Variants in WWOX observed in about 807,000 individuals in gnomAD.
WWOX encodes WW domain containing oxidoreductase.
Under a neutral mutation model 46.2 loss-of-function variants are expected in WWOX, and 69 were observed. That is an observed-to-expected ratio of 1.49 (90% CI 1.23 to 1.82). The LOEUF is 1.82. WWOX is among the 40% of genes most tolerant of loss of function. WWOX has a pLI of 0.00. For synonymous variants in WWOX, 359 were observed against 202.6 expected (o/e 1.77, Z -6.56); for missense variants, 919 against 542.6 (o/e 1.69, Z -6.89).
chr16:79,198,637 G>A (rs2051287874), intron 8 of WWOX, among the ~76,000 whole-genome samples: 1 of 152,180 alleles, frequency 6.6e-6, no homozygotes, highest in Non-Finnish European at 1.5e-5. Context: ...AGTAGCAGTG[G>A]GGTCAAGGGC....
chr16:78,766,121 G>A (rs535830830), intron 8 of WWOX, among the ~76,000 whole-genome samples: 53 of 152,312 alleles, frequency 3.5e-4, no homozygotes, highest in African/African-American at 1.2e-3. Flanking sequence ...CACACATACC[G>A]TCCCCTGATA....
rs1261771044 is a variant in WWOX at position 79,155,382 on chromosome 16, A to T, written c.1057-56226A>T. On this transcript the variant is annotated intron_variant, in intron 8 of 8. Coordinates refer to ENST00000566780, the MANE Select transcript of WWOX (RefSeq NM_016373.4). The stretch of plus-strand genomic sequence containing the variant: ...AGAGGGAGACTCTGTTTCAACAACA[A>T]CAACAAAAAAGGTGGGGGGGTGGGC... 2.0e-5 allele frequency among the ~76,000 whole-genome samples: 3 copies of T among 151,426 alleles called. No individual in the cohort carries two copies. In the East Asian group the frequency reaches 5.9e-4, roughly 30 times the overall value.
chr16:78,754,098 A>G (rs1358159568), intron 8 of WWOX, among the ~76,000 whole-genome samples: 1 of 151,738 alleles, frequency 6.6e-6, no homozygotes, highest in Non-Finnish European at 1.5e-5. Flanking sequence ...GTATTATTAG[A>G]TTGTGATTAT....
intron 8 of WWOX, among the ~76,000 whole-genome samples, chr16:78,610,651 AC>A (rs2045879710): frequency 6.6e-6 from 1 of 152,072 alleles, no homozygotes; most frequent in Admixed American, 6.6e-5. Flanking sequence ...CCTAAAGTGA[AC>A]CCAGATATGT....
intron 8 of WWOX, among the ~76,000 whole-genome samples, chr16:79,173,834 T>C (rs1267474940): frequency 6.6e-6 from 1 of 151,998 alleles, no homozygotes; most frequent in African/African-American, 2.4e-5. Context: ...AGATACTCTC[T>C]GACTAGAACT....
chr16:79,034,426 G>T (rs1300028539), intron 8 of WWOX, among the ~76,000 whole-genome samples: 1 of 152,202 alleles, frequency 6.6e-6, no homozygotes, highest in Non-Finnish European at 1.5e-5. Flanking sequence ...TGTATACACT[G>T]CCTGGGCCTT....
intron 8 of WWOX, among the ~76,000 whole-genome samples, chr16:78,869,926 T>G (rs1178797329): frequency 1.3e-5 from 2 of 152,194 alleles, no homozygotes; most frequent in Non-Finnish European, 2.9e-5. Flanking sequence ...GGATTTATCA[T>G]TGACGTCAGT....
intron 8 of WWOX, among the ~76,000 whole-genome samples, chr16:78,776,596 GA>G: frequency 6.6e-6 from 1 of 152,144 alleles, no homozygotes; most frequent in African/African-American, 2.4e-5. Flanking sequence ...AGTGAGGATG[GA>G]TGTTTAGCTC....
chr16:78,999,901 T>C (rs1190397863), intron 8 of WWOX, among the ~76,000 whole-genome samples: 2 of 152,196 alleles, frequency 1.3e-5, no homozygotes, highest in Non-Finnish European at 2.9e-5. Context: ...GTAATGATTA[T>C]AAAATGAAAA....
intron 8 of WWOX, among the ~76,000 whole-genome samples, chr16:78,764,491 C>G (rs2049880165): frequency 6.8e-6 from 1 of 147,322 alleles, no homozygotes; most frequent in East Asian, 2.0e-4. Context: ...TCATCCAAAC[C>G]AGTTACCTGT....
intron 8 of WWOX, among the ~76,000 whole-genome samples, chr16:79,042,256 C>G (rs544896883): frequency 5.5e-4 from 84 of 152,336 alleles, no homozygotes; most frequent in African/African-American, 1.6e-3. Flanking sequence ...CTCCCAAAAG[C>G]TGAGGCTTCC....
chr16:78,719,373 G>T (rs974680805), intron 8 of WWOX, among the ~76,000 whole-genome samples: 3 of 152,212 alleles, frequency 2.0e-5, no homozygotes, highest in Non-Finnish European at 2.9e-5. Context: ...CTTCTGTCAG[G>T]TGATGTGGGA....
chr16:78,305,609 A>G (rs1004746972), intron 5 of WWOX, among the ~76,000 whole-genome samples: 12 of 151,986 alleles, frequency 7.9e-5, no homozygotes, highest in Admixed American at 7.2e-4. Flanking sequence ...CGTGTCATCC[A>G]TGGAGCTTGA....
chr16:78,614,075 A>C (rs2550583), intron 8 of WWOX, among the ~76,000 whole-genome samples: 4 of 152,012 alleles, frequency 2.6e-5, no homozygotes, highest in South Asian at 2.1e-4. Flanking sequence ...TGAACCTTGC[A>C]TGTTGTGTCA....
intron 8 of WWOX, among the ~76,000 whole-genome samples, chr16:78,962,910 C>G (rs541289590): frequency 1.3e-5 from 2 of 152,302 alleles, no homozygotes; most frequent in East Asian, 1.9e-4. Flanking sequence ...TCTTTGCTGT[C>G]TTGCTTCTTT....
chr16:78,412,796 G>T (rs1286727022), intron 6 of WWOX, among the ~76,000 whole-genome samples: 1 of 152,178 alleles, frequency 6.6e-6, no homozygotes, highest in African/African-American at 2.4e-5. Flanking sequence ...ATGATGAGAA[G>T]TAGATTTGGG....
chr16:79,163,710 A>T (rs2050532485), intron 8 of WWOX, among the ~76,000 whole-genome samples: 2 of 151,130 alleles, frequency 1.3e-5, no homozygotes, highest in African/African-American at 4.9e-5. Context: ...AGGCAGGAGA[A>T]TCACTGGAAC....
At chr16:78,221,496 G>A (rs1000704919) in intron 5 of WWOX, among the ~76,000 whole-genome samples, 1 of 152,130 alleles carries the variant, frequency 6.6e-6, no homozygotes, top group Admixed American at 6.5e-5. Flanking sequence ...GTAGAGACAT[G>A]GATATTTTTC....
chr16:78,487,879 C>A (rs192425975), intron 8 of WWOX, among the ~76,000 whole-genome samples: 2 of 152,276 alleles, frequency 1.3e-5, no homozygotes, highest in Admixed American at 1.3e-4. Context: ...CATAAGGCAA[C>A]CTTATGTCAC....
Sources: allele counts gnomAD v4.1 joint callset (sites outside exome capture counted in the v4.1 genomes callset), GRCh38; gene constraint gnomAD v4.1.1; transcripts MANE v1.5; gene names NCBI Gene and HGNC (gene_info 2026-07-23, HGNC 2026-07-21).